The following TRIO variants were observed in gnomAD, a reference collection of about 807,000 sequenced individuals.
TRIO encodes the protein trio Rho guanine nucleotide exchange factor.
A neutral mutation model predicts 351.9 loss-of-function variants in TRIO; 58 were observed. That is an observed-to-expected ratio of 0.16 (90% CI 0.13 to 0.21). The LOEUF (loss-of-function observed/expected upper bound fraction) is 0.21, where lower values mean the gene tolerates loss of function less well. TRIO is among the 10% of genes least tolerant of loss of function. The pLI is 1.00. For synonymous variants in TRIO, 1,758 were observed against 1,595.7 expected (o/e 1.10, Z -2.42); for missense variants, 3,201 against 4,027.8 (o/e 0.79, Z 5.56).
At chr5:14,148,998 G>A (rs935321360) in intron 1 of TRIO, among the ~76,000 whole-genome samples, 1 of 152,224 alleles carries the variant, frequency 6.6e-6, no homozygotes, top group African/African-American at 2.4e-5. Context: ...AATGAACAGG[G>A]AGACTTCCCA....
intron 1 of TRIO, among the ~76,000 whole-genome samples, chr5:14,256,397 C>T (rs1052281801): frequency 6.6e-6 from 1 of 152,122 alleles, no homozygotes; most frequent in Admixed American, 6.6e-5. Context: ...ACAAAACATC[C>T]AAACTATATC....
intron 54 of TRIO, 127 bp downstream of exon 54, chr5:14,502,784 A>G: frequency 1.1e-6 from 1 of 895,228 alleles, no homozygotes. Flanking sequence ...CTTGCATTTG[A>G]ATCGTAACTC....
At chr5:14,441,370 C>T (rs1026556076) in intron 34 of TRIO, 1 of 154,740 alleles carries the variant, frequency 6.5e-6, no homozygotes, top group African/African-American at 2.4e-5. Context: ...GGTACACAAG[C>T]TCTCTGCAGA....
intron 1 of TRIO, among the ~76,000 whole-genome samples, chr5:14,205,030 G>C (rs972185649): frequency 6.6e-6 from 1 of 152,184 alleles, no homozygotes; most frequent in Non-Finnish European, 1.5e-5. Context: ...CCTGCTCTCT[G>C]TTTCCACCGT....
At chr5:14,489,163 A>T in intron 48 of TRIO, 1 of 602,640 alleles carries the variant, frequency 1.7e-6, no homozygotes, top group Non-Finnish European at 3.0e-6. Flanking sequence ...CTCTCTTTAT[A>T]TTAAAAAAAA....
At chr5:14,175,945 G>A (rs1464639946) in intron 1 of TRIO, among the ~76,000 whole-genome samples, 1 of 152,206 alleles carries the variant, frequency 6.6e-6, no homozygotes, top group African/African-American at 2.4e-5. Context: ...AATATCTGAA[G>A]GTTAATGCAT....
chr5:14,281,489 C>G (rs1736005061), intron 3 of TRIO, among the ~76,000 whole-genome samples: 1 of 145,400 alleles, frequency 6.9e-6, no homozygotes, highest in Non-Finnish European at 1.5e-5. Flanking sequence ...TTGGGGGTTA[C>G]AGTTCAACAT....
At position 14,286,826 on chromosome 5, in the gene TRIO, G is replaced by T; in HGVS notation, c.348-45G>T. 6.3e-7 allele frequency: 1 copy of T among 1,577,516 alleles called. No homozygotes were observed. Among genetic ancestry groups the T allele is most frequent in the African/African-American group, 1.3e-5 (1 of 74,368 alleles). On this transcript the variant is annotated intron_variant, in intron 3 of 56. Coordinates refer to ENST00000344204, the MANE Select transcript of TRIO (RefSeq NM_007118.4). The surrounding 1 kb of genome is among the most constrained non-coding windows in gnomAD (Gnocchi z 4.4). ...AGTGGGACTCTGACCAGGCAGAGTGGCAAGAGATGTAACCCGTCTTCAGCC... is the reference window on the plus strand; with the variant it reads ...AGTGGGACTCTGACCAGGCAGAGTGTCAAGAGATGTAACCCGTCTTCAGCC...
intron 37 of TRIO, among the ~76,000 whole-genome samples, chr5:14,467,967 T>A (rs898537540): frequency 1.3e-5 from 2 of 152,208 alleles, no homozygotes; most frequent in African/African-American, 2.4e-5. Flanking sequence ...AACTTTTTTT[T>A]AAAAGCCATT....
intron 13 of TRIO, among the ~76,000 whole-genome samples, chr5:14,362,651 C>G (rs1412669652): frequency 6.6e-6 from 1 of 152,138 alleles, no homozygotes; most frequent in Non-Finnish European, 1.5e-5. Flanking sequence ...GATGCAAAGA[C>G]CTGATTCTGG....
chr5:14,264,997 C>CT (rs1253900144), intron 1 of TRIO, among the ~76,000 whole-genome samples: 8 of 151,928 alleles, frequency 5.3e-5, no homozygotes, highest in Admixed American at 5.2e-4. Flanking sequence ...ATTTAACCTT[C>CT]TTTTTCTGGT....
At chr5:14,302,379 T>C (rs16903375) in intron 7 of TRIO, among the ~76,000 whole-genome samples, 9,863 of 152,304 alleles carry the variant, frequency 0.065, 387 homozygotes, top group African/African-American at 0.11. Context: ...CCTGATGATT[T>C]ATTAATGATG....
Position 14,476,796 on chromosome 5 carries a change from A to AAAAAAAAG in TRIO, c.6084-84_6084-77dup, listed in dbSNP as rs1479154804. The stretch of plus-strand genomic sequence containing the variant: ...GTGATAGAGTGACACTCTCTCAAAA[A>AAAAAAAAG]AAAAAAAGAAAAAAAGAAAAAGAAA... On this transcript the variant is annotated intron_variant, in intron 40 of 56. Coordinates refer to ENST00000344204, the MANE Select transcript of TRIO (RefSeq NM_007118.4). 15 of 1,128,520 alleles carry AAAAAAAAG rather than the reference A, an allele frequency of 1.3e-5. No individual in the cohort carries two copies. The South Asian group carries it at 1.9e-4, about 15-fold the overall frequency. 69.9% of individuals were successfully genotyped at this position (1,128,520 alleles called of 1,614,324 possible).
chr5:14,144,161 C>T (rs1051188941), intron 1 of TRIO, among the ~76,000 whole-genome samples: 9 of 152,176 alleles, frequency 5.9e-5, no homozygotes, highest in Admixed American at 1.3e-4. Flanking sequence ...GGCAGAATCC[C>T]CCGGTCTGCC....
intron 1 of TRIO, among the ~76,000 whole-genome samples, chr5:14,258,003 GC>G (rs1795123941): frequency 6.6e-6 from 1 of 152,230 alleles, no homozygotes; most frequent in African/African-American, 2.4e-5. Flanking sequence ...AGACGAGGAA[GC>G]GAAGCTTTGG....
chr5:14,226,869 G>GTGGTTTCTGCAGCTCTCCTCCTCCC (rs1793075299), intron 1 of TRIO, among the ~76,000 whole-genome samples: 1 of 10,884 alleles, frequency 9.2e-5, no homozygotes, highest in African/African-American at 1.9e-4. Flanking sequence ...GGGGAGGAAA[G>GTGGTTTCTGCAGCTCTCCTCCTCCC]TGGTTTCTGC....
chr5:14,279,594 G>A (rs1419017596), intron 2 of TRIO, among the ~76,000 whole-genome samples: 1 of 152,220 alleles, frequency 6.6e-6, no homozygotes, highest in Non-Finnish European at 1.5e-5. Flanking sequence ...TAAGCGTTTA[G>A]TGATACCAAG....
chr5:14,481,769 TCC>T, intron 45 of TRIO, 151 bp downstream of exon 45: 2 of 505,880 alleles, frequency 4.0e-6, no homozygotes, highest in Admixed American at 4.2e-5. Context: ...ATATTTTATT[TCC>T]TTTTTTTTTT....
intron 49 of TRIO, among the ~76,000 whole-genome samples, chr5:14,494,026 A>G (rs1756693220): frequency 6.6e-6 from 1 of 152,206 alleles, no homozygotes; most frequent in South Asian, 2.1e-4. Flanking sequence ...CTAGCAAACT[A>G]GTTGATTCAT....
Sources: gnomAD v4.1 joint callset for allele counts (sites outside exome capture counted in the v4.1 genomes callset) on GRCh38, gnomAD v4.1.1 for gene constraint, Gnocchi (gnomAD v3.1) non-coding constraint, MANE v1.5 for transcripts, NCBI Gene and HGNC (gene_info 2026-07-23, HGNC 2026-07-21) for gene names.